PI4KA: variants seen among roughly 807,000 people sequenced by gnomAD.
PI4KA encodes phosphatidylinositol 4-kinase alpha, also known as PI4-kinase alpha.
A neutral mutation model predicts 271.4 loss-of-function variants in PI4KA; 122 were observed. The ratio of observed to expected loss-of-function variants is 0.45; its 90% CI spans 0.39 to 0.52. The LOEUF (loss-of-function observed/expected upper bound fraction) is 0.52. Ranked by LOEUF, PI4KA falls within the 20% of genes least tolerant of loss-of-function variation. The pLI is 0.00. For missense variants in PI4KA, 1,969 were observed against 2,769.1 expected (o/e 0.71, Z 6.48); for synonymous variants, 1,041 against 1,078.8 (o/e 0.96, Z 0.69).
At chr22:20,718,640 T>C (rs1244483417) in intron 44 of PI4KA, 53 bp downstream of exon 44, 3 of 1,598,612 alleles carry the variant, frequency 1.9e-6, no homozygotes, top group Non-Finnish European at 2.6e-6. Context: ...TCTGTTAAGC[T>C]GCAGGGACTG....
chr22:20,842,921 AC>A (rs1331720840), intron 1 of PI4KA, among the ~76,000 whole-genome samples: 1 of 151,708 alleles, frequency 6.6e-6, no homozygotes, highest in East Asian at 1.9e-4. Flanking sequence ...CCACAGTGAA[AC>A]CCCGTCTCTA....
At chr22:20,811,425 CCAGTCCTTGGAGCT>C (rs1920994574) in intron 8 of PI4KA, among the ~76,000 whole-genome samples, 1 of 152,248 alleles carries the variant, frequency 6.6e-6, no homozygotes, top group Admixed American at 6.5e-5. Flanking sequence ...ACCCTCACAG[CCAGTCCTTGGAGCT>C]CATGGCACCT....
intron 36 of PI4KA, among the ~76,000 whole-genome samples, chr22:20,731,080 G>C (rs1927987331): frequency 6.6e-6 from 1 of 152,112 alleles, no homozygotes; most frequent in Admixed American, 6.5e-5. Flanking sequence ...TTGTGAGGCT[G>C]GGGTGGGAGA....
chr22:20,766,398 T>C (rs935242904), intron 19 of PI4KA, among the ~76,000 whole-genome samples: 9 of 152,144 alleles, frequency 5.9e-5, no homozygotes, highest in Admixed American at 5.2e-4. Context: ...GCACGGTGGC[T>C]CACGCCTGTA....
At chr22:20,767,576 C>T (rs1019677251) in intron 19 of PI4KA, among the ~76,000 whole-genome samples, 1 of 152,060 alleles carries the variant, frequency 6.6e-6, no homozygotes, top group African/African-American at 2.4e-5. Context: ...GATCCTCCCA[C>T]CTCAGCCTTC....
At chr22:20,755,600 A>C (rs898128604) in intron 23 of PI4KA, among the ~76,000 whole-genome samples, 2 of 152,146 alleles carry the variant, frequency 1.3e-5, no homozygotes, top group Non-Finnish European at 2.9e-5. Flanking sequence ...CAGGAGTTTG[A>C]GACCAGCCTG....
chr22:20,796,025 G>A lies in PI4KA; in HGVS notation c.2277+121C>T, dbSNP rs975996960. Reference sequence around the variant, plus strand: ...CCACCCCTTCTTACTTGCATTCCAGGCACATTTAAATCATTCACAAAGAAA... The same window carrying A: ...CCACCCCTTCTTACTTGCATTCCAGACACATTTAAATCATTCACAAAGAAA... On this transcript the variant is annotated intron_variant, in intron 18 of 54. Coordinates refer to ENST00000255882, the MANE Select transcript of PI4KA (RefSeq NM_058004.4). 9 of 898,394 alleles carry A rather than the reference G, an allele frequency of 1.0e-5. No homozygotes were observed. In the African/African-American group the frequency reaches 1.3e-4, roughly 13 times the overall value. 55.7% of individuals were successfully genotyped at this position (898,394 alleles called of 1,614,324 possible).
chr22:20,841,132 G>A lies in PI4KA; in HGVS notation c.157-2401C>T, dbSNP rs568538106. Among the ~76,000 whole-genome samples the A allele has an allele frequency of 4.6e-4, 70 of 152,174 alleles. 1 individual carries two copies. The highest frequency in any genetic ancestry group is 4.4e-3 in the Admixed American group (67 of 15,280). ...TTATCTCAGGTGATACGCCCACCTC[G>A]GCCTCCCAGAGCGCTGAGATTACAG... On this transcript the variant is annotated intron_variant, in intron 1 of 54. Coordinates refer to ENST00000255882, the MANE Select transcript of PI4KA (RefSeq NM_058004.4).
At chr22:20,826,962 T>G (rs908242365) in intron 3 of PI4KA, among the ~76,000 whole-genome samples, 12 of 152,196 alleles carry the variant, frequency 7.9e-5, no homozygotes, top group Admixed American at 3.9e-4. Context: ...TTGCATAGTT[T>G]GCAAATATTT....
At chr22:20,712,388 GAC>G in intron 50 of PI4KA, 96 bp downstream of exon 50, 1 of 1,560,288 alleles carries the variant, frequency 6.4e-7, no homozygotes, top group Middle Eastern at 2.0e-4. Flanking sequence ...AACAAAGGAT[GAC>G]TGAGGAGAGC....
rs546470127 is a variant in PI4KA, at chr22:20,763,444, C to CT, written c.2708+1372dup. On this transcript the variant is annotated intron_variant, in intron 22 of 54. Coordinates refer to ENST00000255882, the MANE Select transcript of PI4KA (RefSeq NM_058004.4). ...CATTTTTGTGCAATGTTCTTTTTTT[C>CT]TTTTTTTTTTTTTGAGACGGAGTCT... 1.1e-3 allele frequency among the ~76,000 whole-genome samples: 156 copies of CT among 143,416 alleles called. 2 individuals are homozygous for CT. The highest frequency in any genetic ancestry group is 2.7e-3 in the South Asian group (12 of 4,496). 94.1% of individuals were successfully genotyped at this position (143,416 alleles called of 152,430 possible). A position where few individuals can be genotyped will look rare whatever the true frequency, so the allele number is the denominator to read the frequency against.
Position 20,751,308 on chromosome 22 carries a change from C to G in PI4KA, c.3138G>C (p.Thr1046=), listed in dbSNP as rs556274694. 6.2e-7 allele frequency: 1 copy of G among 1,613,756 alleles called. No homozygotes were observed. The highest frequency in any genetic ancestry group is 1.7e-5 in the Admixed American group (1 of 60,004). Residue 1046 remains threonine (T), a synonymous_variant, in exon 27 of 55, where the codon ACG becomes ACC. Transcript: ENST00000255882. The part of the protein sequence containing the change: ...DAPYRITVPD[T]YEARESIVKD... ...TCGGGCCTACCTCACGGGCTTCGTA[C>G]GTGTCAGGAACCGTGATCCGGTAGG...
chr22:20,816,430 A>G (rs1339778273), intron 7 of PI4KA, among the ~76,000 whole-genome samples: 1 of 152,160 alleles, frequency 6.6e-6, no homozygotes, highest in Non-Finnish European at 1.5e-5. Context: ...CTCCTGGCCT[A>G]AAAACAATTC....
At chr22:20,760,648 G>C (rs1008785449) in intron 23 of PI4KA, among the ~76,000 whole-genome samples, 3 of 152,096 alleles carry the variant, frequency 2.0e-5, no homozygotes, top group Non-Finnish European at 2.9e-5. Flanking sequence ...AGGGTCTCCT[G>C]GTAACCTTCC....
intron 32 of PI4KA, among the ~76,000 whole-genome samples, chr22:20,741,158 G>T (rs147840217): frequency 1.3e-5 from 2 of 152,252 alleles, no homozygotes; most frequent in East Asian, 3.9e-4. Context: ...GGAGAAATTG[G>T]GTGTCATAAT....
chr22:20,798,725 G>A (rs1315273587), intron 16 of PI4KA, 38 bp from the exon 17 acceptor site: 18 of 1,325,414 alleles, frequency 1.4e-5, no homozygotes, highest in Non-Finnish European at 1.9e-5. Flanking sequence ...CATGCAGGAT[G>A]CCCTCATGAG....
intron 28 of PI4KA, among the ~76,000 whole-genome samples, chr22:20,748,544 C>CCACACACA (rs1273509407): frequency 1.3e-5 from 2 of 152,142 alleles, no homozygotes; most frequent in African/African-American, 4.8e-5. Flanking sequence ...GCTCTGGGGA[C>CCACACACA]CACAGGGGGC....
intron 7 of PI4KA, among the ~76,000 whole-genome samples, chr22:20,816,464 G>A (rs1000821452): frequency 2.6e-5 from 4 of 152,030 alleles, no homozygotes; most frequent in Admixed American, 2.0e-4. Context: ...TCTTACAGCA[G>A]TTTGGAAGAG....
chr22:20,794,741 C>CCT (rs1934876336), intron 18 of PI4KA, among the ~76,000 whole-genome samples: 1 of 152,178 alleles, frequency 6.6e-6, no homozygotes, highest in South Asian at 2.1e-4. Context: ...CAGAGAGGAC[C>CCT]CTGTCTGTCT....
Sources: allele counts gnomAD v4.1 joint callset (sites outside exome capture counted in the v4.1 genomes callset), GRCh38; gene constraint gnomAD v4.1.1; transcripts MANE v1.5; gene names NCBI Gene and HGNC (gene_info 2026-07-23, HGNC 2026-07-21).